Variants in ITPR2 observed in about 807,000 individuals in gnomAD.
The protein encoded by ITPR2 is inositol 1,4,5-trisphosphate receptor type 2, also known as inositol 1,4,5-trisphosphate-gated calcium channel ITPR2.
Under a neutral mutation model 317.1 loss-of-function variants are expected in ITPR2, and 207 were observed. The ratio of observed to expected loss-of-function variants is 0.65; its 90% confidence interval spans 0.58 to 0.73. The LOEUF is 0.73. ITPR2 is among the 30% of genes least tolerant of loss of function. The pLI, the probability that ITPR2 is intolerant of heterozygous loss-of-function variation, is 0.00. For synonymous variants in ITPR2, 1,156 were observed against 1,149.1 expected (o/e 1.01, Z -0.12); for missense variants, 2,613 against 3,284.0 (o/e 0.80, Z 4.99).
chr12:26,735,289 A>G (rs1463521101), intron 2 of ITPR2, among the ~76,000 whole-genome samples: 1 of 152,236 alleles, frequency 6.6e-6, no homozygotes, highest in African/African-American at 2.4e-5. Flanking sequence ...GACGTGAGGT[A>G]CTGTGCCTGG....
At chr12:26,494,669 C>G (rs2136872079) in intron 38 of ITPR2, among the ~76,000 whole-genome samples, 1 of 145,112 alleles carries the variant, frequency 6.9e-6, no homozygotes, top group East Asian at 2.1e-4. Flanking sequence ...ACTTGGGAGG[C>G]TGAGGCAGGA....
At chr12:26,541,146 T>TAAAA (rs3058665) in intron 37 of ITPR2, among the ~76,000 whole-genome samples, 7,901 of 109,586 alleles carry the variant, frequency 0.072, 440 homozygotes, top group African/African-American at 0.14. Context: ...CATCTCTGCT[T>TAAAA]AAAAAAAAAA....
chr12:26,519,478 C>T (rs1353226705), intron 37 of ITPR2, among the ~76,000 whole-genome samples: 1 of 152,146 alleles, frequency 6.6e-6, no homozygotes, highest in Non-Finnish European at 1.5e-5. Context: ...AATTTCATTT[C>T]TGATTTTAAA....
In ITPR2 at chr12:26,777,230, C is replaced by T. The variant is rs1283299646; in HGVS notation, c.163+12927G>A. ...TTGGTTTAATGTGGAGGAAGGAATT[C>T]AAAGGCTTAGGGAGATTGGGATCCT... On this transcript the variant is annotated intron_variant, in intron 2 of 56. Coordinates refer to ENST00000381340, the MANE Select transcript of ITPR2 (RefSeq NM_002223.4). 2.0e-5 allele frequency among the ~76,000 whole-genome samples: 3 copies of T among 152,178 alleles called. No individual in the cohort carries two copies. In the East Asian group the frequency reaches 5.8e-4, roughly 29 times the overall value.
intron 1 of ITPR2, among the ~76,000 whole-genome samples, chr12:26,790,614 CACACTTCT>C (rs1950325787): frequency 6.6e-6 from 1 of 151,974 alleles, no homozygotes; most frequent in African/African-American, 2.4e-5. Context: ...CACACACACA[CACACTTCT>C]ACACATACAT....
At chr12:26,812,967 A>T (rs1950782371) in intron 1 of ITPR2, among the ~76,000 whole-genome samples, 1 of 152,236 alleles carries the variant, frequency 6.6e-6, no homozygotes, top group Non-Finnish European at 1.5e-5. Flanking sequence ...TCAATAGTAC[A>T]ACATGGACCT....
chr12:26,608,786 TA>T (rs34171335), intron 26 of ITPR2, among the ~76,000 whole-genome samples: 15,300 of 100,214 alleles, frequency 0.15, 1,025 homozygotes, highest in South Asian at 0.24. Flanking sequence ...ACTTTTAAAT[TA>T]AAAAAAAAAA....
At chr12:26,421,598 T>C (rs2136690408) in intron 49 of ITPR2, 1 of 152,366 alleles carries the variant, frequency 6.6e-6, no homozygotes, top group Admixed American at 6.5e-5. Context: ...TAAAACAGTC[T>C]CCCTTTTCAT....
At chr12:26,765,516 A>G (rs1949704709) in intron 2 of ITPR2, among the ~76,000 whole-genome samples, 2 of 152,136 alleles carry the variant, frequency 1.3e-5, no homozygotes, top group Non-Finnish European at 2.9e-5. Flanking sequence ...TAATTTTTAC[A>G]TATTTCTGCT....
intron 5 of ITPR2, 34 bp downstream of exon 5, chr12:26,722,363 C>T: frequency 6.6e-7 from 1 of 1,524,428 alleles, no homozygotes; most frequent in Non-Finnish European, 8.9e-7. Context: ...TCTTTATGAA[C>T]CCACTATTTC....
intron 1 of ITPR2, among the ~76,000 whole-genome samples, chr12:26,795,277 G>A (rs1382294245): frequency 1.3e-5 from 2 of 152,184 alleles, no homozygotes; most frequent in Non-Finnish European, 2.9e-5. Flanking sequence ...AATACCACAT[G>A]AATTAAAGCC....
intron 9 of ITPR2, among the ~76,000 whole-genome samples, chr12:26,702,901 C>CA (rs36009776): frequency 1.3e-4 from 19 of 151,450 alleles, no homozygotes; most frequent in Admixed American, 1.1e-3. Context: ...CGCAATTCAC[C>CA]AAAAAAAAGA....
At chr12:26,760,297 G>A (rs1356560193) in intron 2 of ITPR2, among the ~76,000 whole-genome samples, 2 of 151,880 alleles carry the variant, frequency 1.3e-5, no homozygotes, top group Non-Finnish European at 2.9e-5. Context: ...ACAGAGAATG[G>A]GAGTACCATT....
At chr12:26,549,477 A>T (rs1944470948) in intron 37 of ITPR2, among the ~76,000 whole-genome samples, 1 of 152,168 alleles carries the variant, frequency 6.6e-6, no homozygotes, top group South Asian at 2.1e-4. Context: ...TTCCAGTTTT[A>T]AAATATCAGA....
chr12:26,452,776 C>T (rs1941771366), intron 45 of ITPR2, among the ~76,000 whole-genome samples: 1 of 152,132 alleles, frequency 6.6e-6, no homozygotes, highest in African/African-American at 2.4e-5. Flanking sequence ...TGTGATGATG[C>T]AGCACGATGC....
intron 2 of ITPR2, among the ~76,000 whole-genome samples, chr12:26,786,449 T>TTAAA (rs60115178): frequency 0.025 from 2,993 of 119,110 alleles, 53 homozygotes; most frequent in Non-Finnish European, 0.032. Flanking sequence ...GAATGATCAA[T>TTAAA]AAAAAAAAAA....
chr12:26,528,679 T>C (rs764695162), intron 37 of ITPR2, among the ~76,000 whole-genome samples: 24 of 152,234 alleles, frequency 1.6e-4, no homozygotes, highest in Non-Finnish European at 3.2e-4. Flanking sequence ...AAGCTCAGAA[T>C]ATCATGCAAA....
intron 37 of ITPR2, among the ~76,000 whole-genome samples, chr12:26,520,545 C>G (rs1200974962): frequency 1.3e-5 from 2 of 152,154 alleles, no homozygotes; most frequent in African/African-American, 4.8e-5. Flanking sequence ...CCAGTGGTCC[C>G]CAAGGTCTGA....
chr12:26,482,660 T>C (rs910432361), intron 42 of ITPR2, among the ~76,000 whole-genome samples: 1 of 152,204 alleles, frequency 6.6e-6, no homozygotes, highest in Admixed American at 6.5e-5. Flanking sequence ...GTATTTCATA[T>C]GTACAGTACA....
Sources: gnomAD v4.1 joint callset for allele counts (sites outside exome capture counted in the v4.1 genomes callset) on GRCh38, gnomAD v4.1.1 for gene constraint, MANE v1.5 for transcripts, NCBI Gene and HGNC (gene_info 2026-07-23, HGNC 2026-07-21) for gene names.